The following IPO8 variants were observed in gnomAD, a reference collection of about 807,000 sequenced individuals.
IPO8 encodes importin 8, also known as importin-8.
Under a neutral mutation model 141.2 loss-of-function variants are expected in IPO8, and 65 were observed. The ratio of observed to expected loss-of-function variants is 0.46; its 90% CI spans 0.38 to 0.57. IPO8 has a LOEUF of 0.57. Ranked by LOEUF, IPO8 falls within the 20% of genes least tolerant of loss-of-function variation. The pLI is 0.00. For missense variants in IPO8, 980 were observed against 1,246.8 expected (o/e 0.79, Z 3.22); for synonymous variants, 411 against 420.3 (o/e 0.98, Z 0.27).
intron 17 of IPO8, among the ~76,000 whole-genome samples, chr12:30,653,355 G>T (rs1027312872): frequency 2.0e-5 from 3 of 151,788 alleles, no homozygotes; most frequent in African/African-American, 7.3e-5. Flanking sequence ...AAAAAATAAA[G>T]TTTTTTTCTA....
intron 20 of IPO8, among the ~76,000 whole-genome samples, chr12:30,640,887 G>A (rs2052566037): frequency 6.6e-6 from 1 of 152,140 alleles, no homozygotes. Flanking sequence ...AGCCATAAAT[G>A]TTTGAGACAA....
At position 30,685,154 on chromosome 12, in the gene IPO8, T is replaced by C. The variant is rs549370496; in HGVS notation, c.167-697A>G. ...GAAGCTTTTCTTTTCTTTTTTTTTTTTTTGAGACGGAATCTTTCTCTGTCA... is the reference window on the plus strand; with the variant it reads ...GAAGCTTTTCTTTTCTTTTTTTTTTCTTTGAGACGGAATCTTTCTCTGTCA... On this transcript the variant is annotated intron_variant, in intron 2 of 24. Transcript: ENST00000256079. 1.1e-4 allele frequency among the ~76,000 whole-genome samples: 17 copies of C among 152,090 alleles called. No individual in the cohort carries two copies. In the East Asian group the frequency reaches 1.2e-3, roughly 10 times the overall value.
chr12:30,659,809 T>C (rs2052858430), intron 16 of IPO8, among the ~76,000 whole-genome samples: 1 of 143,654 alleles, frequency 7.0e-6, no homozygotes, highest in Non-Finnish European at 1.5e-5. Context: ...GAGCAGAAAC[T>C]GAGCCACTGC....
intron 20 of IPO8, among the ~76,000 whole-genome samples, chr12:30,642,459 C>T (rs1408253570): frequency 1.3e-5 from 2 of 151,886 alleles, no homozygotes; most frequent in African/African-American, 2.4e-5. Context: ...TATCTGTGTA[C>T]ATTAATGTTT....
chr12:30,632,951 T>C (rs2052453495), intron 23 of IPO8, among the ~76,000 whole-genome samples: 1 of 152,214 alleles, frequency 6.6e-6, no homozygotes, highest in African/African-American at 2.4e-5. Flanking sequence ...AAGTTGCTTG[T>C]CACTTGAGAA....
In IPO8 at chr12:30,631,966, G is replaced by A; in HGVS notation, c.2945C>T (p.Pro982Leu). The change falls in exon 24 of 25, where the codon CCA (proline) becomes CTA (leucine). Residue 982 changes from proline (P) to leucine (L), a missense_variant. Coordinates refer to ENST00000256079, the MANE Select transcript of IPO8 (RefSeq NM_006390.4). ...DAAWYQLLMA[P>L]LSEDQRTALQ... ...TGCTGTCCTCTGATCCTCGCTGAGT[G>A]GTGCCATCAGCAGCTGGTACCAGGC... is the stretch of plus-strand genomic sequence containing the variant. The A allele has an allele frequency of 6.2e-7, 1 of 1,613,102 alleles. No homozygotes were observed. Among genetic ancestry groups the A allele is most frequent in the South Asian group, 1.1e-5 (1 of 91,056 alleles).
chr12:30,679,137 C>T (rs1439957294), intron 5 of IPO8, among the ~76,000 whole-genome samples: 1 of 152,194 alleles, frequency 6.6e-6, no homozygotes, highest in East Asian at 1.9e-4. Context: ...CTGCACCCGG[C>T]TGCTCATACT....
At chr12:30,661,312 C>G (rs201178075) in intron 15 of IPO8, 46 bp from the exon 16 acceptor site, 4 of 1,497,300 alleles carry the variant, frequency 2.7e-6, no homozygotes, top group Non-Finnish European at 3.6e-6. Context: ...AGTACTGTTA[C>G]GTCCCCGCTT....
At chr12:30,677,085 C>T (rs1210973582) in intron 5 of IPO8, 2 of 1,516,110 alleles carry the variant, frequency 1.3e-6, no homozygotes, top group East Asian at 5.0e-5. Flanking sequence ...GATATTGCCT[C>T]CACATCCATT....
intron 19 of IPO8, among the ~76,000 whole-genome samples, chr12:30,650,407 T>C (rs779152273): frequency 6.6e-5 from 10 of 151,954 alleles, no homozygotes; most frequent in Non-Finnish European, 1.5e-5. Context: ...TGGAAAATAG[T>C]GAGCTGAATG....
intron 9 of IPO8, 150 bp downstream of exon 9, chr12:30,670,812 T>G (rs981009405): frequency 3.6e-6 from 2 of 554,586 alleles, no homozygotes; most frequent in Admixed American, 3.6e-5. Context: ...AAGCCCTTTA[T>G]ATCTGACATA....
At position 30,669,301 on chromosome 12, in the gene IPO8, A is replaced by G. The variant is rs1313546461; in HGVS notation, c.1045-19T>C. ...AGATATTCTAAAATGAGAAAAAAAAAAAAACGTAACAAATGGGTATAGGCT... is the reference window on the plus strand; with the variant it reads ...AGATATTCTAAAATGAGAAAAAAAAGAAAACGTAACAAATGGGTATAGGCT... On this transcript the variant is annotated intron_variant, in intron 9 of 24. Transcript: ENST00000256079. 1.6e-6 allele frequency: 2 copies of G among 1,288,530 alleles called. No homozygotes were observed. The highest frequency in any genetic ancestry group is 1.9e-5 in the Admixed American group (1 of 52,350). 79.8% of individuals were successfully genotyped at this position (1,288,530 alleles called of 1,614,324 possible).
intron 7 of IPO8, 103 bp from the exon 8 acceptor site, chr12:30,674,177 G>A (rs947800178): frequency 1.2e-5 from 8 of 694,472 alleles, no homozygotes; most frequent in African/African-American, 7.2e-5. Flanking sequence ...GATTCTACTG[G>A]GACAGAAAAC....
rs3782686 is a variant in IPO8 at position 30,672,503 on chromosome 12, G to A, written c.910-1407C>T. ...TCCCTGATAAGAAAACCATTTTTAA[G>A]TATCAGGAATATATCCTTAAATAAC... On this transcript the variant is annotated intron_variant, in intron 8 of 24. Coordinates refer to ENST00000256079, the MANE Select transcript of IPO8 (RefSeq NM_006390.4). Among the ~76,000 whole-genome samples the A allele has an allele frequency of 6.7e-4, 102 of 152,232 alleles. 2 individuals are homozygous for A. The East Asian group carries it at 0.017, about 26-fold the overall frequency.
At chr12:30,684,198 T>C in intron 3 of IPO8, 103 bp downstream of exon 3, 1 of 995,346 alleles carries the variant, frequency 1.0e-6, no homozygotes, top group Non-Finnish European at 1.5e-6. Flanking sequence ...TTTACCTCTT[T>C]AGAAAATGAA....
At chr12:30,670,685 A>G (rs2053034635) in intron 9 of IPO8, among the ~76,000 whole-genome samples, 1 of 152,218 alleles carries the variant, frequency 6.6e-6, no homozygotes, top group African/African-American at 2.4e-5. Flanking sequence ...GAAAAACACT[A>G]TGTGCCTTAA....
At chr12:30,671,962 G>A (rs1372636984) in intron 8 of IPO8, among the ~76,000 whole-genome samples, 1 of 151,794 alleles carries the variant, frequency 6.6e-6, no homozygotes, top group African/African-American at 2.4e-5. Flanking sequence ...AGAAAACATG[G>A]GAGAATTTTC....
intron 19 of IPO8, among the ~76,000 whole-genome samples, chr12:30,650,886 T>C (rs535754668): frequency 6.6e-6 from 1 of 152,192 alleles, no homozygotes; most frequent in Admixed American, 6.5e-5. Context: ...AGTTTCCTTT[T>C]GATACAAATG....
chr12:30,685,230 C>T (rs529993155), intron 2 of IPO8, among the ~76,000 whole-genome samples: 1 of 151,666 alleles, frequency 6.6e-6, no homozygotes, highest in Non-Finnish European at 1.5e-5. Flanking sequence ...ACCTCTGTCT[C>T]CCGGGTTCAA....
Sources: gnomAD v4.1 joint callset for allele counts (sites outside exome capture counted in the v4.1 genomes callset) on GRCh38, gnomAD v4.1.1 for gene constraint, MANE v1.5 for transcripts, NCBI Gene and HGNC (gene_info 2026-07-23, HGNC 2026-07-21) for gene names.